The following SMARCA2 variants were observed in gnomAD, a reference collection of about 807,000 sequenced individuals.
SMARCA2 encodes the protein SWI/SNF-related matrix-associated actin-dependent regulator of chromatin subfamily A member 2.
Under a neutral mutation model 199.8 loss-of-function variants are expected in SMARCA2, and 61 were observed. That is an observed-to-expected ratio of 0.31 (90% CI 0.25 to 0.38). The LOEUF (loss-of-function observed/expected upper bound fraction) is 0.38, where lower values mean the gene tolerates loss of function less well. Ranked by LOEUF, SMARCA2 falls within the 10% of genes least tolerant of loss-of-function variation. The probability of loss-of-function intolerance (pLI) is 1.00; values close to 1 mark genes in which losing one functional copy is unlikely to be tolerated. For missense variants in SMARCA2, 1,344 were observed against 2,012.2 expected (o/e 0.67, Z 6.35); for synonymous variants, 935 against 732.0 (o/e 1.28, Z -4.48).
intron 5 of SMARCA2, among the ~76,000 whole-genome samples, chr9:2,049,930 C>G (rs909147106): frequency 1.3e-5 from 2 of 152,208 alleles, no homozygotes; most frequent in African/African-American, 4.8e-5. Context: ...TAAAAAACCT[C>G]TTTTACAATT....
chr9:2,189,016 C>T (rs548633074), intron 32 of SMARCA2, among the ~76,000 whole-genome samples: 12 of 152,314 alleles, frequency 7.9e-5, no homozygotes, highest in African/African-American at 1.9e-4. Context: ...CTCTCTTTTG[C>T]GTCTTCCTCT....
intron 29 of SMARCA2, among the ~76,000 whole-genome samples, chr9:2,177,628 C>T (rs1253619635): frequency 6.6e-6 from 1 of 152,106 alleles, no homozygotes; most frequent in African/African-American, 2.4e-5. Context: ...TCTCAGCTCA[C>T]CACAACCTCC....
chr9:2,159,576 C>T (rs936931644), intron 27 of SMARCA2: 16 of 399,686 alleles, frequency 4.0e-5, no homozygotes, highest in Non-Finnish European at 6.3e-5. Flanking sequence ...GACTCAGAAA[C>T]CATCTGAGCT....
chr9:2,041,401 T>C, intron 4 of SMARCA2: 1 of 398,618 alleles, frequency 2.5e-6, no homozygotes, highest in Non-Finnish European at 4.4e-6. Context: ...TGCTTCCTGA[T>C]TCATAGATGG....
intron 27 of SMARCA2, among the ~76,000 whole-genome samples, chr9:2,153,720 T>G (rs1177271394): frequency 1.3e-5 from 2 of 152,222 alleles, no homozygotes; most frequent in Non-Finnish European, 2.9e-5. Context: ...TTTTTAAAGT[T>G]GTGGAACAGT....
intron 23 of SMARCA2, among the ~76,000 whole-genome samples, chr9:2,108,169 G>A (rs1409969248): frequency 6.6e-6 from 1 of 152,146 alleles, no homozygotes; most frequent in Non-Finnish European, 1.5e-5. Context: ...GGGCACTTGC[G>A]CTCAGGCCCA....
In SMARCA2 at chr9:2,119,861, C is replaced by G. The variant is rs577515498; in HGVS notation, c.3762+326C>G. Among the ~76,000 whole-genome samples the G allele has an allele frequency of 8.0e-4, 122 of 152,338 alleles. No homozygotes were observed. Among genetic ancestry groups the G allele is most frequent in the Admixed American group, 2.6e-3 (40 of 15,308 alleles). ...GCCAGGGCTGAGTAGCAGCTGCACT[C>G]TCTGGACAGGCCTCGCGGTCTACAG... On this transcript the variant is annotated intron_variant, in intron 26 of 33. Transcript: ENST00000349721. The surrounding 1 kb of genome is among the most constrained non-coding windows in gnomAD (Gnocchi z 4.6).
rs192500212 is a variant in SMARCA2 at position 2,093,277 on chromosome 9, A to C, written c.2884-3380A>C. Among the ~76,000 whole-genome samples, 479 of 152,342 alleles carry C rather than the reference A, an allele frequency of 3.1e-3. 2 individuals carry two copies. The highest frequency in any genetic ancestry group is 0.011 in the African/African-American group (446 of 41,578). On this transcript the variant is annotated intron_variant, in intron 19 of 33. Transcript: ENST00000349721. ...TGGGTGTATGTGTTGGGAAATGCTTATTAGTAATCCATTGGGTGGAGAAAG... is the reference window on the plus strand; with the variant it reads ...TGGGTGTATGTGTTGGGAAATGCTTCTTAGTAATCCATTGGGTGGAGAAAG...
intron 5 of SMARCA2, among the ~76,000 whole-genome samples, chr9:2,054,134 C>G (rs768004642): frequency 3.9e-5 from 6 of 152,188 alleles, no homozygotes; most frequent in African/African-American, 1.4e-4. Context: ...TAATGGCTGT[C>G]GTCATCAGCA....
At chr9:2,122,105 C>T (rs1046670901) in intron 26 of SMARCA2, among the ~76,000 whole-genome samples, 4 of 152,070 alleles carry the variant, frequency 2.6e-5, no homozygotes, top group African/African-American at 9.7e-5. Flanking sequence ...TCGAATCTAC[C>T]TTTCCTAAAA....
intron 27 of SMARCA2, among the ~76,000 whole-genome samples, chr9:2,150,599 G>A (rs1480543030): frequency 3.3e-5 from 5 of 151,636 alleles, no homozygotes; most frequent in African/African-American, 9.7e-5. Flanking sequence ...GAGCAGCGTT[G>A]CTTTGCACCA....
intron 17 of SMARCA2, among the ~76,000 whole-genome samples, chr9:2,084,975 C>T (rs1382869353): frequency 6.6e-6 from 1 of 152,060 alleles, no homozygotes; most frequent in East Asian, 1.9e-4. Context: ...ATTTTTTTTA[C>T]CCCATGACGT....
At chr9:2,028,638 T>C (rs1267461064) in intron 1 of SMARCA2, among the ~76,000 whole-genome samples, 1 of 152,234 alleles carries the variant, frequency 6.6e-6, no homozygotes, top group Non-Finnish European at 1.5e-5. Context: ...GTGTCCAAGG[T>C]AGTAAGTAAT....
At chr9:2,130,650 T>G (rs1823902418) in intron 27 of SMARCA2, among the ~76,000 whole-genome samples, 1 of 152,232 alleles carries the variant, frequency 6.6e-6, no homozygotes, top group African/African-American at 2.4e-5. Context: ...AACAGTGCTA[T>G]ATTACAGATT....
chr9:2,075,385 C>T (rs1363747975), intron 12 of SMARCA2: 1 of 152,188 alleles, frequency 6.6e-6, no homozygotes, highest in African/African-American at 2.4e-5. Flanking sequence ...AAGATTTAGC[C>T]TTCTACACCA....
At chr9:2,105,743 C>G (rs1263071706) in intron 23 of SMARCA2, among the ~76,000 whole-genome samples, 1 of 152,196 alleles carries the variant, frequency 6.6e-6, no homozygotes, top group Non-Finnish European at 1.5e-5. Context: ...TTTCAAAAGA[C>G]AAACTGTCCT....
At chr9:2,089,517 T>C (rs974954751) in intron 19 of SMARCA2, among the ~76,000 whole-genome samples, 14 of 152,190 alleles carry the variant, frequency 9.2e-5, no homozygotes, top group Admixed American at 5.9e-4. Context: ...GTGGGAGTTT[T>C]CAAGATGGTG....
At chr9:2,162,704 T>G (rs1453169974) in intron 28 of SMARCA2, 1 of 152,200 alleles carries the variant, frequency 6.6e-6, no homozygotes, top group Non-Finnish European at 1.5e-5. Context: ...TTTCACTCTC[T>G]CAGTTGCATA....
At chr9:2,034,721 A>G (rs956413659) in intron 3 of SMARCA2, among the ~76,000 whole-genome samples, 8 of 152,198 alleles carry the variant, frequency 5.3e-5, no homozygotes, top group Admixed American at 5.2e-4. Flanking sequence ...TGAAATATAA[A>G]TAGGCAAGTC....
Sources: allele counts gnomAD v4.1 joint callset (sites outside exome capture counted in the v4.1 genomes callset), GRCh38; gene constraint gnomAD v4.1.1; non-coding constraint Gnocchi (gnomAD v3.1); transcripts MANE v1.5; gene names NCBI Gene and HGNC (gene_info 2026-07-23, HGNC 2026-07-21).